PPFIBP2: variants seen among roughly 807,000 people sequenced by gnomAD.
PPFIBP2 encodes liprin-beta-2.
PPFIBP2 carries 118 observed loss-of-function variants against 118.3 expected under a neutral mutation model. The observed-to-expected ratio is 1.00, with a 90% confidence interval of 0.86 to 1.16. The LOEUF (loss-of-function observed/expected upper bound fraction) is 1.16. Ranked by LOEUF, PPFIBP2 falls within the 50% of genes most tolerant of loss-of-function variation. PPFIBP2 has a pLI of 0.00. For synonymous variants in PPFIBP2, 414 were observed against 397.4 expected (o/e 1.04, Z -0.50); for missense variants, 1,195 against 1,073.1 (o/e 1.11, Z -1.59).
chr11:7,597,386 C>G, intron 4 of PPFIBP2, 174 bp from the exon 5 acceptor site: 1 of 1,537,204 alleles, frequency 6.5e-7, no homozygotes, highest in Non-Finnish European at 8.7e-7. Flanking sequence ...AAGAATCTAA[C>G]TGCAGCTGCC....
intron 18 of PPFIBP2, 42 bp downstream of exon 18, chr11:7,648,579 C>T: frequency 1.2e-6 from 2 of 1,607,776 alleles, no homozygotes; most frequent in Non-Finnish European, 1.7e-6. Context: ...CATTTCTCCC[C>T]AAAGCATGGG....
chr11:7,628,153 G>A lies in PPFIBP2; in HGVS notation c.827-132G>A, dbSNP rs189578805. 54 of 677,524 alleles carry A rather than the reference G, an allele frequency of 8.0e-5. No homozygotes were observed. The African/African-American group carries it at 8.4e-4, about 11-fold the overall frequency. 42.0% of individuals were successfully genotyped at this position (677,524 alleles called of 1,614,324 possible). A position where few individuals can be genotyped will look rare whatever the true frequency, so the allele number is the denominator to read the frequency against. On this transcript the variant is annotated intron_variant, in intron 8 of 23. Transcript: ENST00000299492. ...CCGATTCTGTAGCAGACACCATCCC[G>A]GCCTCTTTAAAGAACTAAAGGAGCC...
At chr11:7,649,304 T>C in intron 20 of PPFIBP2, 69 bp downstream of exon 20, 1 of 1,430,574 alleles carries the variant, frequency 7.0e-7, no homozygotes, top group East Asian at 2.3e-5. Flanking sequence ...CCCATGGTGG[T>C]TATTTTAAAC....
chr11:7,555,106 A>G (rs1590219480), intron 2 of PPFIBP2, among the ~76,000 whole-genome samples: 1 of 152,146 alleles, frequency 6.6e-6, no homozygotes, highest in Non-Finnish European at 1.5e-5. Context: ...TGCCACAGAC[A>G]CTAATTTTGC....
chr11:7,665,753 C>A, the PPFIBP2 span: 2 of 1,357,808 alleles, frequency 1.5e-6, no homozygotes, highest in African/African-American at 2.9e-5. Flanking sequence ...AGGCTCACTG[C>A]AGGGACCCTG....
chr11:7,587,198 A>G (rs1366797225), intron 3 of PPFIBP2, among the ~76,000 whole-genome samples: 1 of 152,206 alleles, frequency 6.6e-6, no homozygotes, highest in African/African-American at 2.4e-5. Flanking sequence ...CACAAAGGAC[A>G]CTGAGTGCCC....
Position 7,653,601 on chromosome 11 carries a change from A to T in PPFIBP2, c.*383A>T. 1 of 1,299,524 alleles carries T rather than the reference A, an allele frequency of 7.7e-7. No homozygotes were observed. The highest frequency in any genetic ancestry group is 1.0e-6 in the Non-Finnish European group (1 of 995,946). 80.5% of individuals were successfully genotyped at this position (1,299,524 alleles called of 1,614,324 possible). On this transcript the variant is annotated 3_prime_UTR_variant, in exon 24 of 24. Coordinates refer to ENST00000299492, the MANE Select transcript of PPFIBP2 (RefSeq NM_003621.5). ...ACCCCCTACACTTCAGTTGAGGGAA[A>T]AGCTCAAGTGCCTTAGGCCCGTGGA...
intron 1 of PPFIBP2, among the ~76,000 whole-genome samples, chr11:7,525,523 A>C (rs1022689166): frequency 6.6e-6 from 1 of 152,222 alleles, no homozygotes; most frequent in Non-Finnish European, 1.5e-5. Flanking sequence ...AAGGGCAACC[A>C]TGGTGGCGGT....
At chr11:7,633,011 A>C (rs1473600799) in intron 12 of PPFIBP2, 77 bp downstream of exon 12, 15 of 1,347,636 alleles carry the variant, frequency 1.1e-5, no homozygotes, top group Non-Finnish European at 1.4e-5. Flanking sequence ...GATGGTGATG[A>C]CCGTGAATGG....
intron 1 of PPFIBP2, among the ~76,000 whole-genome samples, chr11:7,531,183 G>C (rs1342037925): frequency 1.3e-5 from 2 of 152,174 alleles, no homozygotes; most frequent in Non-Finnish European, 2.9e-5. Context: ...TCTTGGGAAA[G>C]TCCCTAAACC....
intron 4 of PPFIBP2, among the ~76,000 whole-genome samples, chr11:7,595,891 C>CTT (rs35903584): frequency 2.2e-3 from 321 of 143,606 alleles, no homozygotes; most frequent in African/African-American, 6.1e-3. Context: ...GATTTTTATC[C>CTT]TTTTTTTTTT....
downstream of PPFIBP2, among the ~76,000 whole-genome samples, chr11:7,659,067 C>T (rs1196415390): frequency 0.011 from 1,566 of 136,528 alleles, no homozygotes; most frequent in Middle Eastern, 0.032. Context: ...GAGTAGGTTG[C>T]GAAAATTTTC....
In PPFIBP2 at chr11:7,598,383, T is replaced by C. The variant is rs990647592; in HGVS notation, c.486+710T>C. 3.7e-5 allele frequency: 6 copies of C among 161,994 alleles called. No homozygotes were observed. In the South Asian group the frequency reaches 9.3e-4, roughly 25 times the overall value. The allele number at this position is 161,994 out of a possible 1,614,324, so 10.0% of individuals were successfully genotyped here. ...AGTATCAGAATTGACTTAACTTTTT[T>C]TCAATTCCTAAATATTTTTACTGTA... On this transcript the variant is annotated intron_variant, in intron 5 of 23. Transcript: ENST00000299492.
At chr11:7,619,253 G>A (rs1437657238) in intron 6 of PPFIBP2, among the ~76,000 whole-genome samples, 1 of 152,190 alleles carries the variant, frequency 6.6e-6, no homozygotes, top group African/African-American at 2.4e-5. Context: ...ATATAGCAGA[G>A]GGGCCTGATA....
chr11:7,655,342 C>T (rs776287946), downstream of PPFIBP2: 108 of 1,026,524 alleles, frequency 1.1e-4, no homozygotes, highest in Admixed American at 1.4e-4. Context: ...CCTGGAGAAG[C>T]CAGGCTTGAG....
intron 5 of PPFIBP2, among the ~76,000 whole-genome samples, chr11:7,602,537 C>T (rs151134064): frequency 2.0e-5 from 3 of 152,152 alleles, no homozygotes; most frequent in African/African-American, 7.2e-5. Context: ...TGATGCTACT[C>T]GGTGGATAAG....
chr11:7,571,152 T>G (rs1217617840), intron 3 of PPFIBP2, among the ~76,000 whole-genome samples: 1 of 152,182 alleles, frequency 6.6e-6, no homozygotes, highest in Non-Finnish European at 1.5e-5. Flanking sequence ...CTGGGATAAG[T>G]GCTCACCTCT....
chr11:7,615,426 A>G (rs1723975923), intron 6 of PPFIBP2, among the ~76,000 whole-genome samples: 1 of 152,208 alleles, frequency 6.6e-6, no homozygotes, highest in Non-Finnish European at 1.5e-5. Context: ...CACATGGCTC[A>G]GGAGAATTAA....
intron 4 of PPFIBP2, among the ~76,000 whole-genome samples, chr11:7,594,816 C>A (rs1859970358): frequency 6.7e-6 from 1 of 149,958 alleles, no homozygotes; most frequent in Non-Finnish European, 1.5e-5. Context: ...ACTCGGAAGG[C>A]TGACGTAGGA....
Sources: gnomAD v4.1 joint callset for allele counts (sites outside exome capture counted in the v4.1 genomes callset) on GRCh38, gnomAD v4.1.1 for gene constraint, MANE v1.5 for transcripts, NCBI Gene and HGNC (gene_info 2026-07-23, HGNC 2026-07-21) for gene names.